DYNLT5: variants seen among roughly 807,000 people sequenced by gnomAD.
DYNLT5 encodes the protein dynein light chain Tctex-type family member 5, also known as dynein light chain Tctex-type 5.
DYNLT5 carries 25 observed loss-of-function variants against 19.3 expected under a neutral mutation model. That is an observed-to-expected ratio of 1.30 (90% CI 0.95 to 1.81). The LOEUF is 1.81. DYNLT5 is among the 40% of genes most tolerant of loss of function. The pLI is 0.00. For synonymous variants in DYNLT5, 82 were observed against 68.9 expected (o/e 1.19, Z -0.94); for missense variants, 232 against 217.9 (o/e 1.06, Z -0.41).
intron 3 of DYNLT5, among the ~76,000 whole-genome samples, chr1:66,774,090 A>G (rs796293721): frequency 2.0e-4 from 31 of 152,220 alleles, no homozygotes; most frequent in African/African-American, 7.5e-4. Flanking sequence ...AGCACTGTAC[A>G]ACGGGAACTA....
intron 2 of DYNLT5, among the ~76,000 whole-genome samples, chr1:66,759,410 A>G (rs1319003678): frequency 6.6e-6 from 1 of 152,224 alleles, no homozygotes; most frequent in Non-Finnish European, 1.5e-5. Flanking sequence ...ACCATAGAGC[A>G]AAATAATTTT....
At chr1:66,759,760 A>T (rs1000342801) in intron 2 of DYNLT5, among the ~76,000 whole-genome samples, 1 of 152,238 alleles carries the variant, frequency 6.6e-6, no homozygotes, top group Non-Finnish European at 1.5e-5. Context: ...GTAAAACCTG[A>T]TATCGCCATT....
At chr1:66,767,551 G>A (rs1010252874) in intron 2 of DYNLT5, among the ~76,000 whole-genome samples, 1 of 152,128 alleles carries the variant, frequency 6.6e-6, no homozygotes, top group African/African-American at 2.4e-5. Context: ...AGCCACCACT[G>A]CCAGCCCCAA....
intron 3 of DYNLT5, 37 bp downstream of exon 3, chr1:66,770,515 C>A: frequency 6.9e-7 from 1 of 1,441,782 alleles, no homozygotes; most frequent in Non-Finnish European, 9.8e-7. Flanking sequence ...TTTTAAACTT[C>A]TAAATTGGTG....
intron 3 of DYNLT5, 56 bp from the exon 4 acceptor site, chr1:66,776,219 GGGGT>G: frequency 6.3e-7 from 1 of 1,577,852 alleles, no homozygotes; most frequent in African/African-American, 1.3e-5. Flanking sequence ...ATTAGCCTAT[GGGGT>G]GGGTGGGTGT....
intron 4 of DYNLT5, 94 bp downstream of exon 4, chr1:66,776,497 T>G: frequency 2.1e-6 from 3 of 1,431,922 alleles, no homozygotes; most frequent in Non-Finnish European, 2.8e-6. Context: ...GGAATTAATT[T>G]GCAGTAACAG....
intron 2 of DYNLT5, among the ~76,000 whole-genome samples, chr1:66,767,413 C>T (rs920258298): frequency 6.6e-6 from 1 of 152,064 alleles, no homozygotes; most frequent in African/African-American, 2.4e-5. Flanking sequence ...CCACCATGCC[C>T]AGCTAATTTT....
chr1:66,766,038 AGTTT>A (rs2094654355), intron 2 of DYNLT5, among the ~76,000 whole-genome samples: 1 of 152,178 alleles, frequency 6.6e-6, no homozygotes, highest in Admixed American at 6.5e-5. Context: ...AATATTAGTT[AGTTT>A]GTTAAGTGTT....
chr1:66,754,579 G>A, intron 1 of DYNLT5, 77 bp from the exon 2 acceptor site: 1 of 1,416,246 alleles, frequency 7.1e-7, no homozygotes, highest in Non-Finnish European at 9.3e-7. Flanking sequence ...TGTGTACTTT[G>A]AGATTAGTCC....
At chr1:66,765,638 T>G (rs1357023578) in intron 2 of DYNLT5, among the ~76,000 whole-genome samples, 1 of 143,398 alleles carries the variant, frequency 7.0e-6, no homozygotes, top group African/African-American at 2.8e-5. Context: ...TCTTTTCTTT[T>G]TCTTTTTTTT....
chr1:66,777,855 T>C lies in DYNLT5; in HGVS notation c.*401T>C, dbSNP rs894388487. 1 of 158,450 alleles carries C rather than the reference T, an allele frequency of 6.3e-6. No individual in the cohort carries two copies. Among genetic ancestry groups the C allele is most frequent in the Non-Finnish European group, 1.4e-5 (1 of 71,634 alleles). 9.8% of individuals were successfully genotyped at this position (158,450 alleles called of 1,614,324 possible). ...ATAAATGATAGTAGAATATTCAACA[T>C]GGTATACACAAATGATAAATAATGT... is the stretch of plus-strand genomic sequence containing the variant. On this transcript the variant is annotated 3_prime_UTR_variant, in exon 5 of 5. Coordinates refer to ENST00000282670, the MANE Select transcript of DYNLT5 (RefSeq NM_152665.3).
chr1:66,773,224 A>C (rs1282398951), intron 3 of DYNLT5, among the ~76,000 whole-genome samples: 1 of 152,216 alleles, frequency 6.6e-6, no homozygotes, highest in Non-Finnish European at 1.5e-5. Context: ...GCACCGAGCC[A>C]AACTAGATTG....
intron 2 of DYNLT5, chr1:66,755,642 A>T (rs2094634854): frequency 6.6e-6 from 1 of 152,212 alleles, no homozygotes; most frequent in Non-Finnish European, 1.5e-5. Context: ...TTCTATTCTC[A>T]GAGTGTATTA....
chr1:66,769,674 C>G (rs1357213207), intron 2 of DYNLT5, among the ~76,000 whole-genome samples: 1 of 152,106 alleles, frequency 6.6e-6, no homozygotes, highest in African/African-American at 2.4e-5. Context: ...TGAATTTCCT[C>G]TGAACTAAGT....
intron 2 of DYNLT5, among the ~76,000 whole-genome samples, chr1:66,759,032 G>A (rs1228634024): frequency 6.6e-6 from 1 of 152,110 alleles, no homozygotes; most frequent in Non-Finnish European, 1.5e-5. Flanking sequence ...AAAATAGTTT[G>A]GGAAAACTGA....
chr1:66,773,007 A>G (rs191495586), intron 3 of DYNLT5, among the ~76,000 whole-genome samples: 143 of 152,286 alleles, frequency 9.4e-4, no homozygotes, highest in African/African-American at 3.4e-3. Context: ...TGAGACTCAA[A>G]TGATGTTATA....
chr1:66,758,762 A>C (rs1228114507), intron 2 of DYNLT5, among the ~76,000 whole-genome samples: 1 of 152,180 alleles, frequency 6.6e-6, no homozygotes, highest in African/African-American at 2.4e-5. Context: ...TTGCCAGTAA[A>C]AGTGACCAAA....
intron 2 of DYNLT5, among the ~76,000 whole-genome samples, chr1:66,762,672 C>T (rs2094648046): frequency 6.6e-6 from 1 of 152,072 alleles, no homozygotes; most frequent in Admixed American, 6.6e-5. Flanking sequence ...ACAGCAATAG[C>T]CTTACAAAAT....
At chr1:66,754,911 A>G in intron 2 of DYNLT5, 134 bp downstream of exon 2, 1 of 822,382 alleles carries the variant, frequency 1.2e-6, no homozygotes, top group Non-Finnish European at 1.7e-6. Flanking sequence ...GGTCATCTTT[A>G]GGGGCCATAT....
Sources: gnomAD v4.1 joint callset for allele counts (sites outside exome capture counted in the v4.1 genomes callset) on GRCh38, gnomAD v4.1.1 for gene constraint, MANE v1.5 for transcripts, NCBI Gene and HGNC (gene_info 2026-07-23, HGNC 2026-07-21) for gene names.